The following SLC12A2 variants were observed in gnomAD, a reference collection of about 807,000 sequenced individuals.
SLC12A2 encodes the protein Na-K-2Cl cotransporter 1.
Under a neutral mutation model 136.3 loss-of-function variants are expected in SLC12A2, and 67 were observed. The ratio of observed to expected loss-of-function variants is 0.49; its 90% CI spans 0.40 to 0.60. SLC12A2 has a LOEUF of 0.60. Ranked by LOEUF, SLC12A2 falls within the 20% of genes least tolerant of loss-of-function variation. The pLI is 0.00. For synonymous variants in SLC12A2, 619 were observed against 562.9 expected (o/e 1.10, Z -1.41); for missense variants, 1,322 against 1,534.7 (o/e 0.86, Z 2.32).
At chr5:128,118,614 C>T (rs762955476) in intron 4 of SLC12A2, among the ~76,000 whole-genome samples, 3 of 152,100 alleles carry the variant, frequency 2.0e-5, no homozygotes, top group Admixed American at 6.6e-5. Context: ...CACAACCACA[C>T]ATTGGGTATA....
intron 4 of SLC12A2, among the ~76,000 whole-genome samples, chr5:128,127,185 G>A (rs1283511351): frequency 4.0e-5 from 5 of 125,476 alleles, no homozygotes; most frequent in Admixed American, 9.8e-5. Context: ...GCAGTGGCAC[G>A]ATCTCGGCTC....
chr5:128,125,999 T>C (rs1761778667), intron 4 of SLC12A2, among the ~76,000 whole-genome samples: 1 of 152,208 alleles, frequency 6.6e-6, no homozygotes. Context: ...GACTGAATTC[T>C]GTTGCATTGA....
intron 2 of SLC12A2, 90 bp from the exon 3 acceptor site, chr5:128,114,122 G>T: frequency 2.3e-6 from 2 of 879,994 alleles, no homozygotes; most frequent in Admixed American, 2.1e-5. Flanking sequence ...AGTTTCAAAT[G>T]CATGTTCTAC....
Position 128,152,696 on chromosome 5 carries a change from C to G in SLC12A2, c.2264-10C>G, listed in dbSNP as rs995002513. 5 of 1,557,290 alleles carry G rather than the reference C, an allele frequency of 3.2e-6. No individual in the cohort carries two copies. The highest frequency in any genetic ancestry group is 4.4e-6 in the Non-Finnish European group (5 of 1,128,402). The stretch of plus-strand genomic sequence containing the variant: ...GATGTTAATGCTGCATGAACATTAT[C>G]TTCCCACAGATGTGAATTGGGGATC... On this transcript the variant is annotated splice_polypyrimidine_tract_variant and intron_variant, in intron 14 of 26. Transcript: ENST00000262461.
At position 128,135,806 on chromosome 5, in the gene SLC12A2, A is replaced by T. The variant is rs1304990697; in HGVS notation, c.1406A>T (p.Lys469Ile). Residue 469 changes from lysine to isoleucine, a missense_variant and splice_region_variant, in exon 7 of 27, where the codon AAA becomes ATA. Lys to Ile is a moderately radical substitution (Grantham distance 102). Around this residue, in one of 8 missense-constraint regions of SLC12A2, gnomAD observed 110 missense variants for 114.5 expected, o/e 0.96. Transcript: ENST00000262461. ...AAGCCAAAAGGGTTTTTTGGTTATA[A>T]ATGTAAGTAAAAAAGATTCAATATT... Reference protein sequence around the residue: ...SKKPKGFFGYKSEIFNENFGP... With the variant: ...SKKPKGFFGYISEIFNENFGP... 1 of 1,526,878 alleles carries T rather than the reference A, an allele frequency of 6.5e-7. No individual in the cohort carries two copies. The highest frequency in any genetic ancestry group is 2.3e-5 in the East Asian group (1 of 44,322). 94.6% of individuals were successfully genotyped at this position (1,526,878 alleles called of 1,614,324 possible).
intron 1 of SLC12A2, among the ~76,000 whole-genome samples, chr5:128,098,364 T>C (rs935855546): frequency 1.2e-4 from 19 of 152,108 alleles, no homozygotes; most frequent in Non-Finnish European, 2.4e-4. Flanking sequence ...CTGTTACTCA[T>C]TGATATATTT....
Position 128,150,004 on chromosome 5 carries a change from G to A in SLC12A2, c.2013G>A (p.Leu671=), listed in dbSNP as rs1762648636. 1.2e-6 allele frequency: 2 copies of A among 1,607,724 alleles called. No homozygotes were observed. Among genetic ancestry groups the A allele is most frequent in the African/African-American group, 1.3e-5 (1 of 74,762 alleles). ...CATGTGTTTGTTCTGCAGCTGAACT[G>A]AATGTTATTGCACCAATTATCTCAA... ...IALGFILIAE[L]NVIAPIISNF... The change falls in exon 13 of 27, where the codon CTG becomes CTA. Residue 671 remains leucine, a synonymous_variant. Coordinates refer to ENST00000262461, the MANE Select transcript of SLC12A2 (RefSeq NM_001046.3).
intron 20 of SLC12A2, among the ~76,000 whole-genome samples, chr5:128,176,283 A>G (rs1202774690): frequency 6.6e-6 from 1 of 152,036 alleles, no homozygotes; most frequent in African/African-American, 2.4e-5. Context: ...AAGTTCAGTA[A>G]TGAAAGTTTA....
chr5:128,094,019 G>A (rs1037543072), intron 1 of SLC12A2, among the ~76,000 whole-genome samples: 2 of 151,832 alleles, frequency 1.3e-5, no homozygotes, highest in African/African-American at 4.8e-5. Context: ...TACACCCACT[G>A]TTAACTTTCA....
intron 14 of SLC12A2, among the ~76,000 whole-genome samples, chr5:128,151,717 A>G (rs1581115502): frequency 6.6e-6 from 1 of 152,078 alleles, no homozygotes; most frequent in East Asian, 1.9e-4. Context: ...TTTTTAAATT[A>G]TTTTTTGAAA....
intron 17 of SLC12A2, among the ~76,000 whole-genome samples, chr5:128,164,337 A>G (rs1327293648): frequency 1.3e-5 from 2 of 152,218 alleles, no homozygotes; most frequent in African/African-American, 4.8e-5. Context: ...CCTCCAGATT[A>G]CTTTCATCCA....
In SLC12A2 at chr5:128,083,882, G is replaced by A; in HGVS notation, c.-73G>A. 1.8e-6 allele frequency: 2 copies of A among 1,120,932 alleles called. No homozygotes were observed. The highest frequency in any genetic ancestry group is 2.2e-6 in the Non-Finnish European group (2 of 892,082). 69.4% of individuals were successfully genotyped at this position (1,120,932 alleles called of 1,614,324 possible). On this transcript the variant is annotated 5_prime_UTR_variant, in exon 1 of 27. Transcript: ENST00000262461. ...TGGTCTTGCGGCTGTGGCCACCGCC[G>A]GCCAGGGGTGTGGAGGGCGTGCTGC...
intron 1 of SLC12A2, among the ~76,000 whole-genome samples, chr5:128,096,577 G>A (rs531315673): frequency 3.3e-5 from 5 of 151,944 alleles, no homozygotes; most frequent in East Asian, 1.9e-4. Context: ...AAATAAAACC[G>A]TCATGAGAAT....
intron 16 of SLC12A2, among the ~76,000 whole-genome samples, chr5:128,159,684 A>G (rs943178603): frequency 2.6e-5 from 4 of 152,200 alleles, no homozygotes; most frequent in Non-Finnish European, 4.4e-5. Context: ...CAAAACGACA[A>G]TGAGATGCCA....
chr5:128,102,610 T>A (rs1760785063), intron 1 of SLC12A2, among the ~76,000 whole-genome samples: 1 of 78,842 alleles, frequency 1.3e-5, no homozygotes, highest in African/African-American at 5.5e-5. Flanking sequence ...TTTTTTTTTT[T>A]TTTTTTTTTT....
chr5:128,173,302 C>T (rs1053173699), intron 19 of SLC12A2, among the ~76,000 whole-genome samples: 2 of 152,192 alleles, frequency 1.3e-5, no homozygotes, highest in African/African-American at 2.4e-5. Context: ...ATTTCTTGCT[C>T]TACCAGAATT....
At chr5:128,172,487 G>C (rs1451896472) in intron 19 of SLC12A2, among the ~76,000 whole-genome samples, 2 of 152,330 alleles carry the variant, frequency 1.3e-5, no homozygotes, top group Admixed American at 1.3e-4. Flanking sequence ...CACTACAGAG[G>C]TCTCCCTATG....
rs185582883 is a variant in SLC12A2, at chr5:128,105,508, T to C, written c.757-7306T>C. Among the ~76,000 whole-genome samples the C allele has an allele frequency of 9.1e-4, 139 of 152,182 alleles. 2 individuals carry two copies. In the East Asian group the frequency reaches 0.016, roughly 18 times the overall value. Reference sequence around the variant, plus strand: ...ATTAGATTTAGCAGCCAAGAAGTCATTGGATGTCTTAATAAAACGATTTTG... The same window carrying C: ...ATTAGATTTAGCAGCCAAGAAGTCACTGGATGTCTTAATAAAACGATTTTG... On this transcript the variant is annotated intron_variant, in intron 1 of 26. Coordinates refer to ENST00000262461, the MANE Select transcript of SLC12A2 (RefSeq NM_001046.3).
intron 1 of SLC12A2, among the ~76,000 whole-genome samples, chr5:128,109,321 C>T (rs749120141): frequency 3.3e-5 from 5 of 152,226 alleles, no homozygotes; most frequent in South Asian, 4.1e-4. Context: ...CCTGGGGCGG[C>T]GGAAACCCAC....
Sources: allele counts gnomAD v4.1 joint callset (sites outside exome capture counted in the v4.1 genomes callset), GRCh38; gene constraint gnomAD v4.1.1; regional missense constraint gnomAD v4.1.1; transcripts MANE v1.5; gene names NCBI Gene and HGNC (gene_info 2026-07-23, HGNC 2026-07-21).